Variants in BMP2K observed in about 807,000 individuals in gnomAD.
BMP2K encodes the protein BMP-2-inducible protein kinase.
A neutral mutation model predicts 116.0 loss-of-function variants in BMP2K; 74 were observed. The ratio of observed to expected loss-of-function variants is 0.64; its 90% CI spans 0.53 to 0.77. The LOEUF is 0.77. Ranked by LOEUF, BMP2K falls within the 30% of genes least tolerant of loss-of-function variation. BMP2K has a pLI of 0.00. For missense variants in BMP2K, 1,365 were observed against 1,403.6 expected (o/e 0.97, Z 0.44); for synonymous variants, 486 against 502.5 (o/e 0.97, Z 0.44).
intron 1 of BMP2K, among the ~76,000 whole-genome samples, chr4:78,786,351 T>TG (rs1333920931): frequency 6.6e-6 from 1 of 151,886 alleles, no homozygotes; most frequent in Non-Finnish European, 1.5e-5. Flanking sequence ...ACCTTGCTCT[T>TG]GGACTTCCCA....
rs1734579501 is a variant in BMP2K, at chr4:78,911,259, C to T, written c.2712C>T (p.Ser904=). 6.2e-7 allele frequency: 1 copy of T among 1,613,930 alleles called. No individual in the cohort carries two copies. The highest frequency in any genetic ancestry group is 8.5e-7 in the Non-Finnish European group (1 of 1,179,876). ...ATGTATTCACAAAGGCGCCTTTTAG[C>T]AAGAAGGTGAATGTACAAGAATGCC... The part of the protein sequence containing the change: ...EFDVFTKAPF[S]KKVNVQECHA... The change falls in exon 16 of 16, where the codon AGC becomes AGT. Residue 904 remains serine (S), a synonymous_variant. Transcript: ENST00000502613.
intron 1 of BMP2K, among the ~76,000 whole-genome samples, chr4:78,808,636 T>C (rs1728938430): frequency 6.6e-6 from 1 of 152,164 alleles, no homozygotes; most frequent in South Asian, 2.1e-4. Flanking sequence ...CTGCATTTTG[T>C]TAAGTTTTGG....
At chr4:78,889,941 C>A (rs1048817274) in intron 15 of BMP2K, among the ~76,000 whole-genome samples, 1 of 152,148 alleles carries the variant, frequency 6.6e-6, no homozygotes, top group South Asian at 2.1e-4. Flanking sequence ...CATTTAAGAA[C>A]CACTGTCCTG....
At chr4:78,849,579 A>G (rs926312221) in intron 6 of BMP2K, among the ~76,000 whole-genome samples, 1 of 151,650 alleles carries the variant, frequency 6.6e-6, no homozygotes, top group African/African-American at 2.4e-5. Context: ...TAATGTGGAC[A>G]TTATACCATT....
At chr4:78,866,719 C>T (rs1003131673) in intron 10 of BMP2K, among the ~76,000 whole-genome samples, 4 of 152,052 alleles carry the variant, frequency 2.6e-5, no homozygotes, top group African/African-American at 4.8e-5. Flanking sequence ...AGCACGATCT[C>T]GGCTCACTGC....
intron 1 of BMP2K, among the ~76,000 whole-genome samples, chr4:78,790,380 A>G (rs1006282668): frequency 3.9e-5 from 6 of 152,206 alleles, no homozygotes; most frequent in African/African-American, 7.2e-5. Context: ...AATAAAGCTT[A>G]TTGTTTTCTT....
chr4:78,826,129 G>A lies in BMP2K; in HGVS notation c.271G>A (p.Val91Ile). The change falls in exon 2 of 16, where the codon GTT becomes ATT. Residue 91 changes from valine (V) to isoleucine (I), a missense_variant. Around this residue, in one of 3 missense-constraint regions of BMP2K, gnomAD observed 762 missense variants for 756.7 expected, o/e 1.01. Transcript: ENST00000502613. The part of the protein sequence containing the change: ...MYVNNMPDLN[V>I]CKREITIMKE... The stretch of plus-strand genomic sequence containing the variant: ...TGTCAATAACATGCCAGACCTCAAT[G>A]TTTGTAAAAGGGAAATTACAATTAT... 1 of 1,613,380 alleles carries A rather than the reference G, an allele frequency of 6.2e-7. No individual in the cohort carries two copies. Among genetic ancestry groups the A allele is most frequent in the Non-Finnish European group, 8.5e-7 (1 of 1,179,376 alleles).
intron 1 of BMP2K, among the ~76,000 whole-genome samples, chr4:78,807,349 A>T (rs2109965784): frequency 6.6e-6 from 1 of 151,526 alleles, no homozygotes; most frequent in African/African-American, 2.4e-5. Context: ...GTTTGCTAGT[A>T]TTTTGTTGGA....
chr4:78,805,871 T>C (rs1279584878), intron 1 of BMP2K, among the ~76,000 whole-genome samples: 1 of 152,074 alleles, frequency 6.6e-6, no homozygotes, highest in Non-Finnish European at 1.5e-5. Context: ...ATTGGGAGGC[T>C]GAGACAGGAG....
intron 3 of BMP2K, among the ~76,000 whole-genome samples, chr4:78,840,271 T>G (rs1340098129): frequency 1.3e-5 from 2 of 152,054 alleles, no homozygotes; most frequent in Non-Finnish European, 2.9e-5. Context: ...AGGCATCTCA[T>G]TTTATTTTAT....
chr4:78,786,820 T>A (rs1186638479), intron 1 of BMP2K, among the ~76,000 whole-genome samples: 1 of 152,250 alleles, frequency 6.6e-6, no homozygotes, highest in African/African-American at 2.4e-5. Flanking sequence ...TTATCTTAAA[T>A]AGCTTTGTTC....
intron 3 of BMP2K, among the ~76,000 whole-genome samples, chr4:78,837,126 CTCTA>C (rs1730525653): frequency 6.6e-6 from 1 of 151,636 alleles, no homozygotes; most frequent in South Asian, 2.1e-4. Flanking sequence ...GGAAGCCTTC[CTCTA>C]TCTTTTAGCT....
chr4:78,844,977 T>C lies in BMP2K; in HGVS notation c.596T>C (p.Phe199Ser). ...NDGGNYVLCD[F>S]GSATNKFLNP... ...GGTGGGAACTATGTACTTTGTGACT[T>C]TGGCAGTGCCACTAATAAATTTCTT... is the stretch of plus-strand genomic sequence containing the variant. The change falls in exon 5 of 16, where the codon TTT (phenylalanine) becomes TCT (serine). Residue 199 changes from phenylalanine to serine, a missense_variant. By Grantham distance (155) the Phe-to-Ser change is radical (BLOSUM62 -2). Around this residue, in one of 3 missense-constraint regions of BMP2K, gnomAD observed 762 missense variants for 756.7 expected, o/e 1.01. Coordinates refer to ENST00000502613, the MANE Select transcript of BMP2K (RefSeq NM_198892.2). 2 of 1,600,232 alleles carry C rather than the reference T, an allele frequency of 1.2e-6. No individual in the cohort carries two copies. Among genetic ancestry groups the C allele is most frequent in the Non-Finnish European group, 8.6e-7 (1 of 1,168,814 alleles).
intron 2 of BMP2K, 32 bp from the exon 3 acceptor site, chr4:78,833,550 T>A: frequency 7.2e-7 from 1 of 1,392,024 alleles, no homozygotes; most frequent in Non-Finnish European, 9.9e-7. Context: ...AAATGTACAT[T>A]TTCCAGTTTT....
Position 78,865,625 on chromosome 4 carries a change from C to T in BMP2K, c.1136C>T (p.Ala379Val), listed in dbSNP as rs1732009290. Residue 379 changes from alanine to valine, a missense_variant, in exon 10 of 16, where the codon GCT becomes GTT. Ala to Val is a moderately conservative substitution (Grantham distance 64). This residue lies in a region of BMP2K where 762 missense variants were observed against 756.7 expected (regional missense o/e 1.01). Transcript: ENST00000502613. ...APRQRPKANS[A>V]TTATPSVLTI... is the part of the protein sequence containing the mutation. ...AGACAAAGACCAAAGGCCAACTCTG[C>T]TACTACTGCCACTCCCAGTGTGCTG... 6.2e-7 allele frequency: 1 copy of T among 1,614,016 alleles called. No homozygotes were observed. The highest frequency in any genetic ancestry group is 1.1e-5 in the South Asian group (1 of 91,090).
intron 1 of BMP2K, among the ~76,000 whole-genome samples, chr4:78,787,532 A>T (rs1328106231): frequency 6.6e-6 from 1 of 152,128 alleles, no homozygotes; most frequent in Admixed American, 6.5e-5. Context: ...AACTGATCTT[A>T]AGAAAACAGT....
At chr4:78,802,660 C>T (rs930273661) in intron 1 of BMP2K, among the ~76,000 whole-genome samples, 5 of 152,114 alleles carry the variant, frequency 3.3e-5, no homozygotes, top group Admixed American at 6.6e-5. Context: ...CTGACTACCC[C>T]AGTTGTTATA....
intron 4 of BMP2K, among the ~76,000 whole-genome samples, chr4:78,844,632 G>A (rs1343281706): frequency 2.0e-5 from 3 of 151,558 alleles, no homozygotes; most frequent in Non-Finnish European, 4.4e-5. Context: ...TGGGTTGGAA[G>A]AAGCATTTCT....
intron 1 of BMP2K, among the ~76,000 whole-genome samples, chr4:78,808,378 G>A (rs758192993): frequency 3.7e-4 from 55 of 149,030 alleles, no homozygotes; most frequent in Non-Finnish European, 5.6e-4. Context: ...CCATTCTCCC[G>A]CCTCACCCTC....
Sources: gnomAD v4.1 joint callset for allele counts (sites outside exome capture counted in the v4.1 genomes callset) on GRCh38, gnomAD v4.1.1 for gene constraint, gnomAD v4.1.1 regional missense constraint, MANE v1.5 for transcripts, NCBI Gene and HGNC (gene_info 2026-07-23, HGNC 2026-07-21) for gene names.